Variants in RHOA observed in about 807,000 individuals in gnomAD.
RHOA encodes ras homolog family member A.
A neutral mutation model predicts 17.5 loss-of-function variants in RHOA; 3 were observed. The observed-to-expected ratio is 0.17, with a 90% CI of 0.08 to 0.44. The LOEUF (loss-of-function observed/expected upper bound fraction) is 0.44, where lower values mean the gene tolerates loss of function less well. Ranked by LOEUF, RHOA falls within the 20% of genes least tolerant of loss-of-function variation. The pLI is 0.99. For missense variants in RHOA, 56 were observed against 242.3 expected, an observed-to-expected ratio of 0.23 and a Z score of 5.10; for synonymous variants, 98 against 88.4, an observed-to-expected ratio of 1.11 and a Z score of -0.61.
At chr3:49,410,702 T>C (rs1444569885) in intron 1 of RHOA, among the ~76,000 whole-genome samples, 1 of 152,228 alleles carries the variant, frequency 6.6e-6, no homozygotes, top group Non-Finnish European at 1.5e-5. Context: ...TGATACTAAG[T>C]GGTTGAAAAA....
intron 4 of RHOA, among the ~76,000 whole-genome samples, chr3:49,361,878 AAAAAAT>A (rs1217438216): frequency 6.6e-6 from 1 of 151,508 alleles, no homozygotes; most frequent in African/African-American, 2.4e-5. Context: ...ACTGTGTCTC[AAAAAAT>A]AAAAATAAAG....
intron 2 of RHOA, among the ~76,000 whole-genome samples, 172 bp downstream of exon 2, chr3:49,375,260 CAA>C (rs757014144): frequency 2.1e-4 from 25 of 120,204 alleles, no homozygotes; most frequent in Non-Finnish European, 2.3e-4. Flanking sequence ...ACTCCGTCTC[CAA>C]AAAAAAAAAA....
rs6794751 is a variant in RHOA, at chr3:49,367,773, C to T, written c.277+655G>A. 6.3e-3 allele frequency among the ~76,000 whole-genome samples: 961 copies of T among 151,680 alleles called. 13 individuals carry two copies. The highest frequency in any genetic ancestry group is 0.021 in the African/African-American group (889 of 41,360). ...CTGACCTCAGGTGATCTGCCAGCCT[C>T]GGCCTCCCAAAGTGCTAGGATTACA... On this transcript the variant is annotated intron_variant, in intron 3 of 4. Coordinates refer to ENST00000418115, the MANE Select transcript of RHOA (RefSeq NM_001664.4).
chr3:49,386,586 T>TTA (rs1461965082), intron 1 of RHOA, among the ~76,000 whole-genome samples: 7 of 152,278 alleles, frequency 4.6e-5, no homozygotes, highest in African/African-American at 1.7e-4. Context: ...TTCCACTGTC[T>TTA]TACCCTCCTT....
chr3:49,407,232 GTTTTTTTTTTTT>G (rs61556875), intron 1 of RHOA, among the ~76,000 whole-genome samples: 1 of 70,020 alleles, frequency 1.4e-5, no homozygotes, highest in Non-Finnish European at 2.5e-5. Context: ...AATCCTTTCC[GTTTTTTTTTTTT>G]TTTTTTTTTT....
intron 1 of RHOA, among the ~76,000 whole-genome samples, chr3:49,410,265 A>C (rs1353547331): frequency 1.3e-5 from 2 of 152,214 alleles, no homozygotes; most frequent in East Asian, 3.8e-4. Flanking sequence ...CTAGATAGGT[A>C]ACCTTGGGAA....
At chr3:49,402,412 C>T (rs928982726) in intron 1 of RHOA, among the ~76,000 whole-genome samples, 9 of 152,066 alleles carry the variant, frequency 5.9e-5, no homozygotes, top group Non-Finnish European at 8.8e-5. Flanking sequence ...AAAACTAGGC[C>T]GGGTGCAGTG....
At chr3:49,408,249 C>CACATATATATACGTAT (rs1443535303) in intron 1 of RHOA, among the ~76,000 whole-genome samples, 11 of 143,372 alleles carry the variant, frequency 7.7e-5, no homozygotes, top group Non-Finnish European at 1.5e-5. Flanking sequence ...CGTATATGTA[C>CACATATATATACGTAT]ACATATATAT....
At chr3:49,368,595 C>T (rs902790845) in intron 2 of RHOA, 47 bp from the exon 3 acceptor site, 2 of 1,611,196 alleles carry the variant, frequency 1.2e-6, no homozygotes, top group South Asian at 1.1e-5. Context: ...AATCCCCCCA[C>T]CCACTTTTAG....
At chr3:49,391,509 G>T (rs1284514888) in intron 1 of RHOA, among the ~76,000 whole-genome samples, 1 of 152,116 alleles carries the variant, frequency 6.6e-6, no homozygotes, top group East Asian at 1.9e-4. Flanking sequence ...TAATGTCACA[G>T]CTTCACTGCC....
chr3:49,364,661 A>AAAAT (rs549389235), intron 3 of RHOA, among the ~76,000 whole-genome samples: 300 of 152,110 alleles, frequency 2.0e-3, no homozygotes, highest in Middle Eastern at 3.4e-3. Flanking sequence ...ACTCCGTCTC[A>AAAAT]AAATAAATAA....
chr3:49,367,394 A>C (rs2048077010), intron 3 of RHOA, among the ~76,000 whole-genome samples: 1 of 149,696 alleles, frequency 6.7e-6, no homozygotes, highest in Non-Finnish European at 1.5e-5. Flanking sequence ...CTTCTGAATT[A>C]TGTGGCTGTG....
rs374020319 is a variant in RHOA, at chr3:49,404,433, A to AAC, written c.-3+7385_-3+7386dup. On this transcript the variant is annotated intron_variant, in intron 1 of 4. Transcript: ENST00000418115. ...CAAAGTAAAACCCCGTCTCTAGTAA[A>AAC]ACACACACACACACACACACACACA... is the stretch of plus-strand genomic sequence containing the variant. 8.2e-4 allele frequency among the ~76,000 whole-genome samples: 74 copies of AAC among 90,756 alleles called. 2 individuals carry two copies. The highest frequency in any genetic ancestry group is 1.6e-3 in the African/African-American group (40 of 24,508). The allele number at this position is 90,756 out of a possible 152,430, so 59.5% of individuals were successfully genotyped here. A position where few individuals can be genotyped will look rare whatever the true frequency, so the allele number is the denominator to read the frequency against.
chr3:49,367,736 G>A (rs1350610130), intron 3 of RHOA, among the ~76,000 whole-genome samples: 1 of 151,740 alleles, frequency 6.6e-6, no homozygotes, highest in African/African-American at 2.4e-5. Context: ...TGCCTAGGCT[G>A]GTCTCAAACT....
At chr3:49,411,736 CGGTGCGGCGGCCT>C (rs2048941876) in intron 1 of RHOA, 71 bp downstream of exon 1, 1 of 151,936 alleles carries the variant, frequency 6.6e-6, no homozygotes, top group South Asian at 2.1e-4. Flanking sequence ...GCGGCCGCGG[CGGTGCGGCGGCCT>C]GCCGGCCGGA....
rs1162007341 is a variant in RHOA at position 49,369,303 on chromosome 3, A to AGTGT, written c.157-756_157-755insACAC. Among the ~76,000 whole-genome samples, 7 of 145,438 alleles carry AGTGT rather than the reference A, an allele frequency of 4.8e-5. No homozygotes were observed. The East Asian group carries it at 1.6e-3, about 33-fold the overall frequency. ...CTCCCAAAGTGCTGGGATTACAGGC[A>AGTGT]TGAGCCACCACACCCGGCCGAGTAT... On this transcript the variant is annotated intron_variant, in intron 2 of 4. Coordinates refer to ENST00000418115, the MANE Select transcript of RHOA (RefSeq NM_001664.4).
At chr3:49,377,230 G>C (rs578127936) in intron 1 of RHOA, among the ~76,000 whole-genome samples, 1 of 152,160 alleles carries the variant, frequency 6.6e-6, no homozygotes, top group South Asian at 2.1e-4. Context: ...CAGGAGTTAA[G>C]AGACCAGCCC....
rs1031410927 is a variant in RHOA at position 49,368,318 on chromosome 3, T to C, written c.277+110A>G. ...ACTCCAGGACTCCGGCCACTGACGA[T>C]GATTGCTTCTCTGAAGTTCATGTCT... On this transcript the variant is annotated intron_variant, in intron 3 of 4. Transcript: ENST00000418115. 5 of 1,370,344 alleles carry C rather than the reference T, an allele frequency of 3.6e-6. No homozygotes were observed. In the East Asian group the frequency reaches 9.3e-5, roughly 25 times the overall value. 84.9% of individuals were successfully genotyped at this position (1,370,344 alleles called of 1,614,324 possible).
At chr3:49,383,241 G>A (rs980281955) in intron 1 of RHOA, among the ~76,000 whole-genome samples, 2 of 151,518 alleles carry the variant, frequency 1.3e-5, no homozygotes, top group South Asian at 2.1e-4. Context: ...AGACCATCCC[G>A]GCTAACATTT....
Sources: gnomAD v4.1 joint callset for allele counts (sites outside exome capture counted in the v4.1 genomes callset) on GRCh38, gnomAD v4.1.1 for gene constraint, MANE v1.5 for transcripts, NCBI Gene and HGNC (gene_info 2026-07-23, HGNC 2026-07-21) for gene names.